EFNB2: variants seen among roughly 807,000 people sequenced by gnomAD.
EFNB2 encodes ephrin-B2.
In EFNB2, 5 loss-of-function variants were observed where a neutral mutation model predicts 32.1. That is an observed-to-expected ratio of 0.16 (90% confidence interval 0.08 to 0.33). The LOEUF (loss-of-function observed/expected upper bound fraction) is 0.33. EFNB2 is among the 10% of genes least tolerant of loss of function. The probability of loss-of-function intolerance (pLI) is 1.00; values close to 1 mark genes in which losing one functional copy is unlikely to be tolerated. For synonymous variants in EFNB2, 168 were observed against 166.5 expected, an observed-to-expected ratio of 1.01 and a Z score of -0.07; for missense variants, 263 against 422.6, an observed-to-expected ratio of 0.62 and a Z score of 3.31.
chr13:106,499,814 T>A lies in EFNB2; in HGVS notation c.407-3974A>T, dbSNP rs1445709846. On this transcript the variant is annotated intron_variant, in intron 2 of 4. Transcript: ENST00000646441. Reference sequence around the variant, plus strand: ...AGATACATGGGCATTTTACAGCCTGTTTTTAAAAGCTTTTGCTTCAGGGGT... The same window carrying A: ...AGATACATGGGCATTTTACAGCCTGATTTTAAAAGCTTTTGCTTCAGGGGT... Among the ~76,000 whole-genome samples, 33 of 152,150 alleles carry A rather than the reference T, an allele frequency of 2.2e-4. 1 individual carries two copies. Among genetic ancestry groups the A allele is most frequent in the Admixed American group, 2.2e-3 (33 of 15,272 alleles).
chr13:106,506,796 A>T (rs570400808), intron 2 of EFNB2: 1 of 152,278 alleles, frequency 6.6e-6, no homozygotes, highest in South Asian at 2.1e-4. Flanking sequence ...ATCCCACCAC[A>T]TCTGGATTCC....
chr13:106,534,806 G>A, intron 1 of EFNB2, 37 bp downstream of exon 1: 3 of 1,586,342 alleles, frequency 1.9e-6, no homozygotes, highest in Non-Finnish European at 2.6e-6. Context: ...GGCGGACCCC[G>A]GGGCGGGGAC....
intron 2 of EFNB2, among the ~76,000 whole-genome samples, chr13:106,498,985 T>C (rs890812210): frequency 6.6e-6 from 1 of 152,158 alleles, no homozygotes; most frequent in African/African-American, 2.4e-5. Context: ...GCATTTAAAA[T>C]ACAGTTACAC....
intron 2 of EFNB2, among the ~76,000 whole-genome samples, chr13:106,504,733 G>A (rs1878893826): frequency 6.6e-6 from 1 of 152,118 alleles, no homozygotes; most frequent in African/African-American, 2.4e-5. Context: ...TCCAGCTTGA[G>A]GGTCTGCCAA....
At chr13:106,524,213 A>G (rs1648326502) in intron 1 of EFNB2, among the ~76,000 whole-genome samples, 2 of 152,188 alleles carry the variant, frequency 1.3e-5, no homozygotes, top group African/African-American at 2.4e-5. Context: ...TATAAATCAA[A>G]ATGGATAATG....
At chr13:106,514,099 G>A (rs748822209) in intron 1 of EFNB2, among the ~76,000 whole-genome samples, 13 of 152,154 alleles carry the variant, frequency 8.5e-5, no homozygotes, top group Admixed American at 5.2e-4. Context: ...GAAGAAAAAT[G>A]TATGTGGCTG....
At chr13:106,497,539 T>C (rs1461916478) in intron 2 of EFNB2, among the ~76,000 whole-genome samples, 2 of 151,752 alleles carry the variant, frequency 1.3e-5, no homozygotes, top group Admixed American at 6.5e-5. Context: ...AATGGGGCTA[T>C]TAAAATTTTT....
chr13:106,515,075 G>A (rs1406865619), intron 1 of EFNB2, among the ~76,000 whole-genome samples: 1 of 151,974 alleles, frequency 6.6e-6, no homozygotes, highest in Non-Finnish European at 1.5e-5. Context: ...AAGATTCACA[G>A]GAGGTTTCCT....
chr13:106,496,234 C>T (rs904865058), intron 2 of EFNB2, among the ~76,000 whole-genome samples: 2 of 152,180 alleles, frequency 1.3e-5, no homozygotes, highest in African/African-American at 4.8e-5. Flanking sequence ...TAATCATCCC[C>T]CCACACCTGC....
intron 2 of EFNB2, among the ~76,000 whole-genome samples, chr13:106,504,130 G>A (rs1001591282): frequency 2.6e-5 from 4 of 152,194 alleles, no homozygotes; most frequent in Non-Finnish European, 5.9e-5. Context: ...TCCTTGCCAA[G>A]ATACGAAAAG....
intron 1 of EFNB2, among the ~76,000 whole-genome samples, chr13:106,529,960 C>T (rs1225469738): frequency 6.6e-6 from 1 of 152,116 alleles, no homozygotes; most frequent in African/African-American, 2.4e-5. Flanking sequence ...TGTGTCAGAC[C>T]CTTTCACTTT....
intron 1 of EFNB2, among the ~76,000 whole-genome samples, chr13:106,514,249 C>T (rs187305157): frequency 1.3e-5 from 2 of 152,118 alleles, no homozygotes; most frequent in Non-Finnish European, 2.9e-5. Flanking sequence ...GAACTCAAAA[C>T]GAATTTTTAT....
chr13:106,532,827 G>A (rs539481582), intron 1 of EFNB2, among the ~76,000 whole-genome samples: 1 of 151,752 alleles, frequency 6.6e-6, no homozygotes, highest in Admixed American at 6.6e-5. Context: ...CAGAATGGGG[G>A]GGGGGAGTGG....
At chr13:106,502,373 ATTTC>A (rs1379205715) in intron 2 of EFNB2, among the ~76,000 whole-genome samples, 1 of 152,180 alleles carries the variant, frequency 6.6e-6, no homozygotes. Context: ...GTACAGTTTT[ATTTC>A]TTTAATTTCA....
chr13:106,514,085 T>C (rs546752703), intron 1 of EFNB2, among the ~76,000 whole-genome samples: 2 of 152,288 alleles, frequency 1.3e-5, no homozygotes, highest in South Asian at 4.1e-4. Flanking sequence ...ACACTCTTTA[T>C]TGGGAAGAAA....
chr13:106,499,585 G>C (rs547912236), intron 2 of EFNB2, among the ~76,000 whole-genome samples: 1 of 152,040 alleles, frequency 6.6e-6, no homozygotes, highest in Non-Finnish European at 1.5e-5. Flanking sequence ...TTCTATCAGC[G>C]TGATCTAATG....
intron 3 of EFNB2, 152 bp downstream of exon 3, chr13:106,495,596 G>A: frequency 4.2e-6 from 3 of 711,824 alleles, no homozygotes; most frequent in Non-Finnish European, 7.1e-6. Context: ...ATTGACTTGA[G>A]GAAATCTGTC....
Position 106,535,031 on chromosome 13 carries a change from C to A in EFNB2, c.-67G>T. ...GGACTGACGGGACGCAGGCTGGGACCCCCAATCCTCCGGGGCAGACTGGCG... is the reference window on the plus strand; with the variant it reads ...GGACTGACGGGACGCAGGCTGGGACACCCAATCCTCCGGGGCAGACTGGCG... On this transcript the variant is annotated 5_prime_UTR_variant, in exon 1 of 5. Transcript: ENST00000646441. 6.3e-7 allele frequency: 1 copy of A among 1,591,770 alleles called. No individual in the cohort carries two copies.
At chr13:106,495,710 G>A in intron 3 of EFNB2, 38 bp downstream of exon 3, 1 of 1,594,318 alleles carries the variant, frequency 6.3e-7, no homozygotes, top group Non-Finnish European at 8.6e-7. Flanking sequence ...GGCTACACCA[G>A]GTCACAGTGG....
Sources: allele counts gnomAD v4.1 joint callset (sites outside exome capture counted in the v4.1 genomes callset), GRCh38; gene constraint gnomAD v4.1.1; transcripts MANE v1.5; gene names NCBI Gene and HGNC (gene_info 2026-07-23, HGNC 2026-07-21).